The following ZNF519 variants were observed in gnomAD, a reference collection of about 807,000 sequenced individuals.
ZNF519 encodes zinc finger protein 519, also known as similar to Zinc finger protein 85 (Zinc finger protein HPF4) (HTF1).
ZNF519 carries 7 observed loss-of-function variants against 7.4 expected under a neutral mutation model. The ratio of observed to expected loss-of-function variants is 0.94; its 90% CI spans 0.54 to 1.77. The LOEUF (loss-of-function observed/expected upper bound fraction) is 1.77, where lower values mean the gene tolerates loss of function less well. ZNF519 is among the 40% of genes most tolerant of loss of function. The pLI is 0.00. For missense variants in ZNF519, 586 were observed against 623.1 expected, an observed-to-expected ratio of 0.94 and a Z score of 0.63; for synonymous variants, 179 against 203.3, an observed-to-expected ratio of 0.88 and a Z score of 1.02.
In ZNF519 at chr18:14,089,667, A is replaced by G. The variant is rs567819142; in HGVS notation, c.131-4591T>C. On this transcript the variant is annotated intron_variant and NMD_transcript_variant, in intron 2 of 4. Transcript: ENST00000587419. ...TTCTGCATCAATAGACATGATCCAT[A>G]TATTGATAAGGCTGTTGTATACTAC... is the stretch of plus-strand genomic sequence containing the variant. Among the ~76,000 whole-genome samples, 236 of 152,358 alleles carry G rather than the reference A, an allele frequency of 1.5e-3. 1 individual carries two copies. The highest frequency in any genetic ancestry group is 5.3e-3 in the African/African-American group (222 of 41,572).
chr18:14,071,893 T>C (rs2046029652), downstream of ZNF519: 1 of 152,194 alleles, frequency 6.6e-6, no homozygotes, highest in Non-Finnish European at 1.5e-5. Context: ...CCCTTTCAAC[T>C]TGTCTTGCAA....
chr18:14,096,468 C>T (rs994676020), downstream of ZNF519, among the ~76,000 whole-genome samples: 1 of 152,140 alleles, frequency 6.6e-6, no homozygotes, highest in East Asian at 1.9e-4. Flanking sequence ...TTCAAAGACA[C>T]TCTTCTGACC....
At chr18:14,128,978 G>A (rs1357291602) in intron 1 of ZNF519, among the ~76,000 whole-genome samples, 1 of 152,068 alleles carries the variant, frequency 6.6e-6, no homozygotes, top group Non-Finnish European at 1.5e-5. Context: ...GGATGGCCTT[G>A]GGCACACTGT....
intron 2 of ZNF519, among the ~76,000 whole-genome samples, chr18:14,120,033 C>T (rs2046263217): frequency 6.6e-6 from 1 of 151,922 alleles, no homozygotes; most frequent in Non-Finnish European, 1.5e-5. Context: ...GAATTTTCAA[C>T]AGTAATAGAA....
chr18:14,115,413 T>C (rs2046241551), intron 2 of ZNF519, among the ~76,000 whole-genome samples: 4 of 152,206 alleles, frequency 2.6e-5, no homozygotes, highest in Non-Finnish European at 4.4e-5. Context: ...CTAAAAATTA[T>C]ATCAGAACTA....
intron 1 of ZNF519, among the ~76,000 whole-genome samples, chr18:14,125,308 G>A (rs924217422): frequency 1.3e-5 from 2 of 152,182 alleles, no homozygotes; most frequent in African/African-American, 4.8e-5. Context: ...TGAAAAACAT[G>A]TGCACAAGCA....
At chr18:14,113,522 G>T (rs569912052) in intron 2 of ZNF519, among the ~76,000 whole-genome samples, 17 of 152,268 alleles carry the variant, frequency 1.1e-4, no homozygotes, top group African/African-American at 3.6e-4. Flanking sequence ...TGTCATAGGT[G>T]TGCATCCTTC....
intron 2 of ZNF519, among the ~76,000 whole-genome samples, chr18:14,091,730 G>GA (rs1301586192): frequency 6.6e-6 from 1 of 152,148 alleles, no homozygotes; most frequent in African/African-American, 2.4e-5. Flanking sequence ...ATGAAGAGGG[G>GA]AGGGGAGGCA....
chr18:14,131,729 C>T (rs2046331229), intron 1 of ZNF519, among the ~76,000 whole-genome samples: 1 of 152,120 alleles, frequency 6.6e-6, no homozygotes, highest in East Asian at 1.9e-4. Flanking sequence ...GAAATTTCCA[C>T]CCAGACACTC....
downstream of ZNF519, among the ~76,000 whole-genome samples, chr18:14,096,785 G>A (rs1403894884): frequency 6.6e-6 from 1 of 152,190 alleles, no homozygotes; most frequent in Non-Finnish European, 1.5e-5. Context: ...GAAAACAACA[G>A]TGGTGTTCCT....
At chr18:14,123,983 C>A (rs1419056824) in intron 2 of ZNF519, 2 of 159,094 alleles carry the variant, frequency 1.3e-5, no homozygotes, top group Non-Finnish European at 2.7e-5. Flanking sequence ...ACCAGCCTGG[C>A]CAACATGGTG....
chr18:14,081,798 G>A (rs542474672), intron 3 of ZNF519, among the ~76,000 whole-genome samples: 7 of 152,088 alleles, frequency 4.6e-5, no homozygotes, highest in East Asian at 3.9e-4. Flanking sequence ...AGAGAAAATC[G>A]AATTAATCCT....
chr18:14,123,763 T>C (rs2046281775), intron 2 of ZNF519, among the ~76,000 whole-genome samples: 1 of 152,048 alleles, frequency 6.6e-6, no homozygotes, highest in Non-Finnish European at 1.5e-5. Flanking sequence ...AATGTAAAGG[T>C]GTGGGAAACA....
chr18:14,111,721 A>G (rs1405371321), intron 2 of ZNF519, among the ~76,000 whole-genome samples: 4 of 152,134 alleles, frequency 2.6e-5, no homozygotes, highest in African/African-American at 9.7e-5. Context: ...GAACCTAACA[A>G]GATTGAACTG....
downstream of ZNF519, among the ~76,000 whole-genome samples, chr18:14,096,213 C>T (rs538971071): frequency 6.6e-6 from 1 of 152,190 alleles, no homozygotes. Flanking sequence ...CTGCATCTCT[C>T]TCTATGCTGC....
chr18:14,122,876 C>T (rs1344037442), intron 2 of ZNF519, among the ~76,000 whole-genome samples: 6 of 151,156 alleles, frequency 4.0e-5, no homozygotes, highest in African/African-American at 1.2e-4. Context: ...GTGTGCTGCA[C>T]CCATTAACTC....
At chr18:14,072,038 T>C (rs1310885458), downstream of ZNF519, 9 of 152,216 alleles carry the variant, frequency 5.9e-5, no homozygotes, top group Non-Finnish European at 8.8e-5. Context: ...CTGAGTTTTA[T>C]GCATTTTAAG....
intron 2 of ZNF519, among the ~76,000 whole-genome samples, chr18:14,106,643 T>C (rs1293741117): frequency 6.6e-6 from 1 of 151,990 alleles, no homozygotes; most frequent in African/African-American, 2.4e-5. Context: ...AAAACCTTCA[T>C]AAGAATAAAG....
In ZNF519 at chr18:14,124,356, A is replaced by G; in HGVS notation, c.124T>C (p.Ser42Pro). 6.2e-7 allele frequency: 1 copy of G among 1,603,134 alleles called. No homozygotes were observed. The highest frequency in any genetic ancestry group is 8.5e-7 in the Non-Finnish European group (1 of 1,177,624). ...VMLENYRNLV[S>P]LAVYSYYNQG... ...GTATTGAAGTTATTCTCACCCAGGG[A>G]GACGAGGTTTCTGTAGTTCTCCAAC... Residue 42 changes from serine (S) to proline (P), a missense_variant, in exon 2 of 3, where the codon TCC (serine) becomes CCC (proline). Coordinates refer to ENST00000590202, the MANE Select transcript of ZNF519 (RefSeq NM_145287.4).
Sources: allele counts gnomAD v4.1 joint callset (sites outside exome capture counted in the v4.1 genomes callset), GRCh38; gene constraint gnomAD v4.1.1; transcripts MANE v1.5; gene names NCBI Gene and HGNC (gene_info 2026-07-23, HGNC 2026-07-21).